Variants in SLC7A6OS observed in about 807,000 individuals in gnomAD.
SLC7A6OS encodes the protein probable RNA polymerase II nuclear localization protein SLC7A6OS.
Under a neutral mutation model 34.3 loss-of-function variants are expected in SLC7A6OS, and 22 were observed. The observed-to-expected ratio is 0.64, with a 90% CI of 0.46 to 0.92. The LOEUF (loss-of-function observed/expected upper bound fraction) is 0.92, where lower values mean the gene tolerates loss of function less well. Ranked by LOEUF, SLC7A6OS falls within the 40% of genes least tolerant of loss-of-function variation. The probability of loss-of-function intolerance (pLI) is 0.00; values close to 1 mark genes in which losing one functional copy is unlikely to be tolerated. For synonymous variants in SLC7A6OS, 199 were observed against 165.0 expected (o/e 1.21, Z -1.58); for missense variants, 434 against 407.7 (o/e 1.06, Z -0.56).
rs756823707 is a variant in SLC7A6OS, at chr16:68,299,175, G to C, written c.*2100C>G. Reference sequence around the variant, plus strand: ...AACGCTAAGAACATGACTTCTGTCTGAGCTAAGCTGGCACCCATCCCAGGG... The same window carrying C: ...AACGCTAAGAACATGACTTCTGTCTCAGCTAAGCTGGCACCCATCCCAGGG... On this transcript the variant is annotated 3_prime_UTR_variant, in exon 5 of 5. Coordinates refer to ENST00000263997, the MANE Select transcript of SLC7A6OS (RefSeq NM_032178.3). 6.5e-6 allele frequency: 1 copy of C among 152,722 alleles called. No homozygotes were observed. Among genetic ancestry groups the C allele is most frequent in the East Asian group, 1.9e-4 (1 of 5,186 alleles). The allele number at this position is 152,722 out of a possible 1,614,324, so 9.5% of individuals were successfully genotyped here.
At position 68,300,969 on chromosome 16, in the gene SLC7A6OS, G is replaced by GCCAGGAAAAATTCCTGGGCCAAGAAGCT; in HGVS notation, c.*278_*305dup. 7 of 1,029,848 alleles carry GCCAGGAAAAATTCCTGGGCCAAGAAGCT rather than the reference G, an allele frequency of 6.8e-6. No homozygotes were observed. The highest frequency in any genetic ancestry group is 7.0e-6 in the Non-Finnish European group (6 of 859,132). The allele number at this position is 1,029,848 out of a possible 1,614,324, so 63.8% of individuals were successfully genotyped here. ...TGTGGTTTCAGCACAGAACCTGAAT[G>GCCAGGAAAAATTCCTGGGCCAAGAAGCT]CCAGGAAAAATTCCTGGGCCAAGAA... On this transcript the variant is annotated 3_prime_UTR_variant, in exon 5 of 5. Coordinates refer to ENST00000263997, the MANE Select transcript of SLC7A6OS (RefSeq NM_032178.3).
intron 1 of SLC7A6OS, 44 bp from the exon 2 acceptor site, chr16:68,310,657 G>A: frequency 6.3e-7 from 1 of 1,578,174 alleles, no homozygotes; most frequent in Non-Finnish European, 8.6e-7. Context: ...GCAGGAGTTC[G>A]CGAGCGGGTC....
rs535822004 is a variant in SLC7A6OS at position 68,308,058 on chromosome 16, C to T, written c.471+2277G>A. Among the ~76,000 whole-genome samples, 42 of 152,132 alleles carry T rather than the reference C, an allele frequency of 2.8e-4. 1 individual carries two copies. The South Asian group carries it at 7.9e-3, about 29-fold the overall frequency. ...ATGGGATTACAGGCGCCCGCCACCA[C>T]GCCCGGCTAATTTTTGTATTTTTAG... On this transcript the variant is annotated intron_variant, in intron 2 of 4. Transcript: ENST00000263997.
At position 68,304,127 on chromosome 16, in the gene SLC7A6OS, G is replaced by C. The variant is rs1167392356; in HGVS notation, c.577C>G (p.His193Asp). 2 of 1,614,162 alleles carry C rather than the reference G, an allele frequency of 1.2e-6. No homozygotes were observed. The highest frequency in any genetic ancestry group is 1.7e-6 in the Non-Finnish European group (2 of 1,180,024). ...TAAATGTCATACACATAGTCATCGTGTTTTTGTTCTTCCTGGCGCCTGACT... is the reference window on the plus strand; with the variant it reads ...TAAATGTCATACACATAGTCATCGTCTTTTTGTTCTTCCTGGCGCCTGACT... ...PGVRRQEEQK[H>D]DDYVYDIYYL... is the part of the protein sequence containing the mutation. Residue 193 changes from histidine to aspartate, a missense_variant, in exon 3 of 5, where the codon CAC becomes GAC. Coordinates refer to ENST00000263997, the MANE Select transcript of SLC7A6OS (RefSeq NM_032178.3).
rs753987929 is a variant in SLC7A6OS, at chr16:68,303,976, A to G, written c.678+50T>C. The G allele has an allele frequency of 1.8e-5, 27 of 1,524,476 alleles. No homozygotes were observed. The South Asian group carries it at 2.8e-4, about 16-fold the overall frequency. The allele number at this position is 1,524,476 out of a possible 1,614,324, so 94.4% of individuals were successfully genotyped here. A position where few individuals can be genotyped will look rare whatever the true frequency, so the allele number is the denominator to read the frequency against. ...CAGGGAAGCAAAGCATTCTGATTAG[A>G]TTAAGAGCTTAGGATGCCTCATGCC... On this transcript the variant is annotated intron_variant, in intron 3 of 4. Coordinates refer to ENST00000263997, the MANE Select transcript of SLC7A6OS (RefSeq NM_032178.3).
Position 68,310,776 on chromosome 16 carries a change from C to T in SLC7A6OS, c.151G>A (p.Glu51Lys), listed in dbSNP as rs1242060288. The change falls in exon 1 of 5, where the codon GAG (glutamate) becomes AAG (lysine). Residue 51 changes from glutamate (E) to lysine (K), a missense_variant. Glu to Lys is a moderately conservative substitution (Grantham distance 56). Transcript: ENST00000263997. ...KTSEGLERAAENNVFHLVATV... is the reference protein window; with the variant it reads ...KTSEGLERAAKNNVFHLVATV... ...GCCACCAAGTGGAAGACATTATTCT[C>T]CGCCGCTCTCTCCAAACCCTCCGAC... 4 of 1,613,444 alleles carry T rather than the reference C, an allele frequency of 2.5e-6. No individual in the cohort carries two copies. The highest frequency in any genetic ancestry group is 1.7e-5 in the Admixed American group (1 of 59,988).
At chr16:68,303,882 G>C in intron 3 of SLC7A6OS, 144 bp downstream of exon 3, 1 of 696,036 alleles carries the variant, frequency 1.4e-6, no homozygotes, top group Admixed American at 2.9e-5. Context: ...TTCCTAAAAG[G>C]CACTTAGAAT....
rs113792561 is a variant in SLC7A6OS at position 68,304,952 on chromosome 16, T to C, written c.472-720A>G. Among the ~76,000 whole-genome samples the C allele has an allele frequency of 3.2e-3, 482 of 152,022 alleles. 5 individuals carry two copies. Among genetic ancestry groups the C allele is most frequent in the African/African-American group, 0.011 (452 of 41,444 alleles). On this transcript the variant is annotated intron_variant, in intron 2 of 4. Coordinates refer to ENST00000263997, the MANE Select transcript of SLC7A6OS (RefSeq NM_032178.3). ...CCTGTAGTCCCAGGTACTCAGGAGG[T>C]TGAGGCTGCAGTGAGCCGTGATCAT...
rs374727375 is a variant in SLC7A6OS, at chr16:68,303,960, A to G, written c.678+66T>C. On this transcript the variant is annotated intron_variant, in intron 3 of 4. Transcript: ENST00000263997. ...GTTCGGGAGTGGAGCCCAGGGAAGC[A>G]AAGCATTCTGATTAGATTAAGAGCT... The G allele has an allele frequency of 2.6e-5, 37 of 1,432,348 alleles. No individual in the cohort carries two copies. In the East Asian group the frequency reaches 7.5e-4, roughly 29 times the overall value. 88.7% of individuals were successfully genotyped at this position (1,432,348 alleles called of 1,614,324 possible). A position where few individuals can be genotyped will look rare whatever the true frequency, so the allele number is the denominator to read the frequency against.
At chr16:68,310,207 G>A (rs758029254) in intron 2 of SLC7A6OS, 128 bp downstream of exon 2, 18 of 1,087,076 alleles carry the variant, frequency 1.7e-5, no homozygotes, top group Non-Finnish European at 2.1e-5. Flanking sequence ...AACCAAATCT[G>A]TAAAATGAGG....
At chr16:68,305,082 C>T (rs1305729386) in intron 2 of SLC7A6OS, among the ~76,000 whole-genome samples, 1 of 152,096 alleles carries the variant, frequency 6.6e-6, no homozygotes, top group Non-Finnish European at 1.5e-5. Context: ...GACAGAAGAC[C>T]TGGCCAGTCT....
chr16:68,301,172 C>T lies in SLC7A6OS; in HGVS notation c.*103G>A, dbSNP rs772184553. The T allele has an allele frequency of 6.7e-7, 1 of 1,494,508 alleles. No individual in the cohort carries two copies. Among genetic ancestry groups the T allele is most frequent in the Non-Finnish European group, 9.0e-7 (1 of 1,116,676 alleles). The allele number at this position is 1,494,508 out of a possible 1,614,324, so 92.6% of individuals were successfully genotyped here. A position where few individuals can be genotyped will look rare whatever the true frequency, so the allele number is the denominator to read the frequency against. The stretch of plus-strand genomic sequence containing the variant: ...TATGCTTGATATGCTTTTCCTTCCA[C>T]ATGTTAAGCTAGGAAACCTAACAGG... On this transcript the variant is annotated 3_prime_UTR_variant, in exon 5 of 5. Transcript: ENST00000263997.
intron 3 of SLC7A6OS, among the ~76,000 whole-genome samples, chr16:68,302,860 T>C (rs2043295439): frequency 6.6e-6 from 1 of 152,214 alleles, no homozygotes; most frequent in South Asian, 2.1e-4. Context: ...CCAAGGTGGG[T>C]ACCTGACTGC....
chr16:68,309,362 G>A (rs1208667664), intron 2 of SLC7A6OS, among the ~76,000 whole-genome samples: 1 of 151,936 alleles, frequency 6.6e-6, no homozygotes, highest in Non-Finnish European at 1.5e-5. Context: ...GGATTACAGG[G>A]AGTATTTTAT....
chr16:68,310,629 G>A lies in SLC7A6OS; in HGVS notation c.193-16C>T. 1.3e-6 allele frequency: 2 copies of A among 1,588,874 alleles called. No homozygotes were observed. The highest frequency in any genetic ancestry group is 2.3e-5 in the East Asian group (1 of 44,350). On this transcript the variant is annotated splice_polypyrimidine_tract_variant and intron_variant, in intron 1 of 4. Coordinates refer to ENST00000263997, the MANE Select transcript of SLC7A6OS (RefSeq NM_032178.3). ...CTGGTTCCTCCTAGGGGGCAACAGG[G>A]GACGGAGGCCAGCGTAAGCAGGAGT... is the stretch of plus-strand genomic sequence containing the variant.
At chr16:68,304,648 T>C (rs2043313810) in intron 2 of SLC7A6OS, among the ~76,000 whole-genome samples, 1 of 152,168 alleles carries the variant, frequency 6.6e-6, no homozygotes, top group African/African-American at 2.4e-5. Context: ...GTGGTCAAGA[T>C]TCTTATCCCC....
At position 68,301,112 on chromosome 16, in the gene SLC7A6OS, A is replaced by AT; in HGVS notation, c.*162dup. The AT allele has an allele frequency of 1.5e-6, 2 of 1,358,284 alleles. No homozygotes were observed. The highest frequency in any genetic ancestry group is 2.0e-5 in the South Asian group (1 of 49,038). 84.1% of individuals were successfully genotyped at this position (1,358,284 alleles called of 1,614,324 possible). A position where few individuals can be genotyped will look rare whatever the true frequency, so the allele number is the denominator to read the frequency against. On this transcript the variant is annotated 3_prime_UTR_variant, in exon 5 of 5. Coordinates refer to ENST00000263997, the MANE Select transcript of SLC7A6OS (RefSeq NM_032178.3). ...AGTGGAAAAGACTCACTCCCCTAAC[A>AT]TAAGTTTTCACTGTGGTGGGATGGT...
In SLC7A6OS at chr16:68,304,079, C is replaced by G. The variant is rs2043308283; in HGVS notation, c.625G>C (p.Gly209Arg). The G allele has an allele frequency of 6.2e-7, 1 of 1,614,122 alleles. No homozygotes were observed. Among genetic ancestry groups the G allele is most frequent in the South Asian group, 1.1e-5 (1 of 91,076 alleles). Residue 209 changes from glycine (G) to arginine (R), a missense_variant, in exon 3 of 5, where the codon GGC becomes CGC. Coordinates refer to ENST00000263997, the MANE Select transcript of SLC7A6OS (RefSeq NM_032178.3). ...ACGGAGAGGATGTTCTCAATCCAGC[C>G]TGGAGTGGCCGTCTCCAAGTAGTAA... ...DIYYLETATP[G>R]WIENILSVQP...
chr16:68,305,400 T>C (rs1305549994), intron 2 of SLC7A6OS, among the ~76,000 whole-genome samples: 1 of 152,164 alleles, frequency 6.6e-6, no homozygotes, highest in East Asian at 1.9e-4. Context: ...AGAATAGAAA[T>C]GGCCCAGGTA....
Sources: allele counts gnomAD v4.1 joint callset (sites outside exome capture counted in the v4.1 genomes callset), GRCh38; gene constraint gnomAD v4.1.1; transcripts MANE v1.5; gene names NCBI Gene and HGNC (gene_info 2026-07-23, HGNC 2026-07-21).